TBC1D9: variants seen among roughly 807,000 people sequenced by gnomAD.
The protein encoded by TBC1D9 is TBC1 domain family member 9A.
In TBC1D9, 63 loss-of-function variants were observed where a neutral mutation model predicts 132.0. That is an observed-to-expected ratio of 0.48 (90% CI 0.39 to 0.59). The LOEUF (loss-of-function observed/expected upper bound fraction) is 0.59, where lower values mean the gene tolerates loss of function less well. Among genes scored for constraint, TBC1D9 ranks in the 20% least tolerant of loss-of-function variants. The pLI is 0.00. For synonymous variants in TBC1D9, 610 were observed against 609.9 expected, an observed-to-expected ratio of 1.00 and a Z score of 0.00; for missense variants, 1,261 against 1,592.7, an observed-to-expected ratio of 0.79 and a Z score of 3.54.
intron 13 of TBC1D9, chr4:140,643,704 GC>G: frequency 1.7e-6 from 2 of 1,201,356 alleles, no homozygotes; most frequent in Non-Finnish European, 2.3e-6. Flanking sequence ...CAGGTCCAAT[GC>G]GGCCGTGCAG....
chr4:140,719,007 T>C (rs940255991), intron 1 of TBC1D9, among the ~76,000 whole-genome samples: 1 of 151,822 alleles, frequency 6.6e-6, no homozygotes, highest in Non-Finnish European at 1.5e-5. Context: ...TTCCAGCTGC[T>C]CGGAGGCTGA....
chr4:140,693,483 C>T (rs1468020745), intron 2 of TBC1D9, among the ~76,000 whole-genome samples: 1 of 152,176 alleles, frequency 6.6e-6, no homozygotes, highest in Non-Finnish European at 1.5e-5. Flanking sequence ...ATTACTTTAA[C>T]CTCTTTGTCC....
chr4:140,676,154 G>A (rs1327279550), intron 6 of TBC1D9, among the ~76,000 whole-genome samples: 8 of 152,140 alleles, frequency 5.3e-5, no homozygotes, highest in South Asian at 4.1e-4. Flanking sequence ...TTTACTCGGC[G>A]TAGCCCATTT....
At chr4:140,651,222 A>C (rs1737183056) in intron 13 of TBC1D9, among the ~76,000 whole-genome samples, 1 of 152,214 alleles carries the variant, frequency 6.6e-6, no homozygotes, top group African/African-American at 2.4e-5. Context: ...TAATCCCAGC[A>C]CTTTGGGAGG....
intron 1 of TBC1D9, among the ~76,000 whole-genome samples, chr4:140,751,646 CAGAGTAAATAGGTA>C (rs1383481904): frequency 6.6e-6 from 1 of 152,104 alleles, no homozygotes; most frequent in Non-Finnish European, 1.5e-5. Context: ...TCATTCTTTA[CAGAGTAAATAGGTA>C]AGGAACAAAT....
At chr4:140,750,368 T>TGATA (rs1738903902) in intron 1 of TBC1D9, among the ~76,000 whole-genome samples, 1 of 151,922 alleles carries the variant, frequency 6.6e-6, no homozygotes, top group South Asian at 2.1e-4. Flanking sequence ...TATTAGCAGA[T>TGATA]GATATGGTTG....
chr4:140,662,166 CA>C, intron 9 of TBC1D9, 59 bp from the exon 10 acceptor site: 1 of 1,341,454 alleles, frequency 7.5e-7, no homozygotes, highest in Non-Finnish European at 1.1e-6. Flanking sequence ...TTTTGGTTTG[CA>C]ACTACAGCTT....
At position 140,624,466 on chromosome 4, in the gene TBC1D9, T is replaced by C. The variant is rs929010473; in HGVS notation, c.2900-78A>G. 6.7e-5 allele frequency: 87 copies of C among 1,298,504 alleles called. 1 individual carries two copies. Among genetic ancestry groups the C allele is most frequent in the Admixed American group, 4.1e-4 (19 of 46,836 alleles). The allele number at this position is 1,298,504 out of a possible 1,614,324, so 80.4% of individuals were successfully genotyped here. A position where few individuals can be genotyped will look rare whatever the true frequency, so the allele number is the denominator to read the frequency against. Reference sequence around the variant, plus strand: ...TGGAATTAGCATTTGTAGTGGAAAATAGAAGACTCTCTAAGTAGGGTTGCC... The same window carrying C: ...TGGAATTAGCATTTGTAGTGGAAAACAGAAGACTCTCTAAGTAGGGTTGCC... On this transcript the variant is annotated intron_variant, in intron 18 of 20. Transcript: ENST00000442267.
intron 1 of TBC1D9, among the ~76,000 whole-genome samples, chr4:140,729,978 G>A (rs902220226): frequency 1.3e-5 from 2 of 152,022 alleles, no homozygotes; most frequent in African/African-American, 4.8e-5. Context: ...CAGGTATTTT[G>A]TTGTGGCTTC....
At chr4:140,736,256 G>C (rs1407622946) in intron 1 of TBC1D9, among the ~76,000 whole-genome samples, 2 of 151,898 alleles carry the variant, frequency 1.3e-5, no homozygotes, top group Non-Finnish European at 2.9e-5. Flanking sequence ...AAAGTCAAAG[G>C]GCATCTGGAC....
At chr4:140,624,048 T>G in intron 20 of TBC1D9, 68 bp downstream of exon 20, 1 of 1,292,546 alleles carries the variant, frequency 7.7e-7, no homozygotes, top group Non-Finnish European at 1.1e-6. Context: ...CATTTATCGA[T>G]GACTTTTCAG....
intron 1 of TBC1D9, among the ~76,000 whole-genome samples, chr4:140,729,322 TCA>T (rs762159576): frequency 2.0e-4 from 30 of 152,260 alleles, no homozygotes; most frequent in Admixed American, 1.3e-3. Flanking sequence ...GAACAAATCC[TCA>T]GTTTCAATGA....
chr4:140,639,272 G>A, intron 14 of TBC1D9, 58 bp downstream of exon 14: 31 of 1,492,404 alleles, frequency 2.1e-5, no homozygotes, highest in Non-Finnish European at 2.7e-5. Flanking sequence ...TCCACAGCCA[G>A]CAGGAGTGTG....
intron 3 of TBC1D9, among the ~76,000 whole-genome samples, chr4:140,681,414 G>A (rs551552273): frequency 6.6e-6 from 1 of 152,094 alleles, no homozygotes; most frequent in African/African-American, 2.4e-5. Context: ...CCCTGTTGCC[G>A]GTAGTTGTGA....
In TBC1D9 at chr4:140,676,918, A is replaced by G. The variant is rs921034292; in HGVS notation, c.1035T>C (p.Cys345=). The change falls in exon 6 of 21, where the codon TGT becomes TGC. Residue 345 remains cysteine, a synonymous_variant. Transcript: ENST00000442267. ...ICFTSKEENL[C]SLIIPLREVT... ...CCTCACGGAGCGGGATAATGAGGCT[A>G]CATAAGTTCTCCTCCTTGCTGGTAA... is the stretch of plus-strand genomic sequence containing the variant. 3.1e-6 allele frequency: 5 copies of G among 1,613,866 alleles called. No individual in the cohort carries two copies. The African/African-American group carries it at 5.3e-5, about 17-fold the overall frequency.
At chr4:140,625,664 A>G (rs929509298) in intron 18 of TBC1D9, among the ~76,000 whole-genome samples, 3 of 152,250 alleles carry the variant, frequency 2.0e-5, no homozygotes, top group Non-Finnish European at 2.9e-5. Flanking sequence ...AAAATATTTA[A>G]TGTATGGTAA....
intron 20 of TBC1D9, 120 bp from the exon 21 acceptor site, chr4:140,623,037 C>T (rs1355299542): frequency 8.0e-7 from 1 of 1,253,484 alleles, no homozygotes; most frequent in African/African-American, 1.5e-5. Flanking sequence ...AGTCCTCCGC[C>T]TAGGCTGGAT....
At position 140,733,510 on chromosome 4, in the gene TBC1D9, C is replaced by T. The variant is rs11942499; in HGVS notation, c.130+22406G>A. On this transcript the variant is annotated intron_variant, in intron 1 of 20. Coordinates refer to ENST00000442267, the MANE Select transcript of TBC1D9 (RefSeq NM_015130.3). ...TTTCCCTATTAATTTCAACAAACACCGCTACAACTTTAAACTAAACATTAT... is the reference window on the plus strand; with the variant it reads ...TTTCCCTATTAATTTCAACAAACACTGCTACAACTTTAAACTAAACATTAT... Among the ~76,000 whole-genome samples the T allele has an allele frequency of 3.6e-3, 549 of 152,200 alleles. 4 individuals are homozygous for T. The highest frequency in any genetic ancestry group is 0.013 in the African/African-American group (529 of 41,514).
intron 1 of TBC1D9, among the ~76,000 whole-genome samples, chr4:140,732,377 T>C (rs141473092): frequency 8.0e-4 from 122 of 152,322 alleles, no homozygotes; most frequent in African/African-American, 2.9e-3. Flanking sequence ...TGGATATCTT[T>C]GGGCAGTTGC....
Sources: gnomAD v4.1 joint callset for allele counts (sites outside exome capture counted in the v4.1 genomes callset) on GRCh38, gnomAD v4.1.1 for gene constraint, MANE v1.5 for transcripts, NCBI Gene and HGNC (gene_info 2026-07-23, HGNC 2026-07-21) for gene names.